OARD1: variants seen among roughly 807,000 people sequenced by gnomAD.
OARD1 encodes the protein ADP-ribose glycohydrolase OARD1.
Under a neutral mutation model 19.7 loss-of-function variants are expected in OARD1, and 19 were observed. That is an observed-to-expected ratio of 0.96 (90% confidence interval 0.67 to 1.41). OARD1 has a LOEUF of 1.41. OARD1 is among the 40% of genes most tolerant of loss of function. The pLI is 0.00. For synonymous variants in OARD1, 70 were observed against 61.8 expected (o/e 1.13, Z -0.62); for missense variants, 190 against 183.8 (o/e 1.03, Z -0.20).
intron 1 of OARD1, among the ~76,000 whole-genome samples, chr6:41,091,347 G>A (rs1259829556): frequency 2.0e-5 from 3 of 152,176 alleles, no homozygotes; most frequent in African/African-American, 7.2e-5. Flanking sequence ...CAAAGATTGT[G>A]ATTACTTAGA....
In OARD1 at chr6:41,071,646, G is replaced by A. The variant is rs1457307475; in HGVS notation, c.-12C>T. The A allele has an allele frequency of 3.1e-6, 5 of 1,610,760 alleles. No individual in the cohort carries two copies. In the African/African-American group the frequency reaches 4.0e-5, roughly 13 times the overall value. The stretch of plus-strand genomic sequence containing the variant: ...AGGCTGCTGGCCATGATACTGAGTC[G>A]CTATTTCCAGAATTTAAGTGTTTCT... On this transcript the variant is annotated 5_prime_UTR_variant, in exon 2 of 6. Coordinates refer to ENST00000424266, the MANE Select transcript of OARD1 (RefSeq NM_001329686.2).
chr6:41,088,797 G>A (rs924115059), intron 1 of OARD1, among the ~76,000 whole-genome samples: 2 of 152,108 alleles, frequency 1.3e-5, no homozygotes, highest in Middle Eastern at 3.4e-3. Context: ...TGTTGCCCAG[G>A]CTGGTCTCGA....
At chr6:41,086,734 AATAG>A (rs1341686358) in intron 1 of OARD1, among the ~76,000 whole-genome samples, 3 of 152,180 alleles carry the variant, frequency 2.0e-5, no homozygotes, top group Admixed American at 6.5e-5. Flanking sequence ...ACAGCCAAGA[AATAG>A]ATAGAAGAAT....
intron 1 of OARD1, among the ~76,000 whole-genome samples, chr6:41,082,714 T>C (rs1014479212): frequency 2.0e-5 from 3 of 152,268 alleles, no homozygotes; most frequent in Admixed American, 6.5e-5. Context: ...TCTTGCTATA[T>C]GTATTCTGAG....
At chr6:41,080,817 G>A in intron 1 of OARD1, 1 of 1,613,410 alleles carries the variant, frequency 6.2e-7, no homozygotes, top group Non-Finnish European at 8.5e-7. Flanking sequence ...TCAGCAGCAG[G>A]GTGGTGTCAC....
At chr6:41,068,348 G>C (rs1314334591) in intron 5 of OARD1, among the ~76,000 whole-genome samples, 1 of 152,164 alleles carries the variant, frequency 6.6e-6, no homozygotes, top group African/African-American at 2.4e-5. Context: ...AGTTACATCA[G>C]GGACAGATCC....
At chr6:41,074,196 T>C (rs1345571873), upstream of OARD1, among the ~76,000 whole-genome samples, 1 of 152,248 alleles carries the variant, frequency 6.6e-6, no homozygotes, top group Admixed American at 6.5e-5. Context: ...TTTATGTTTT[T>C]CTGATACACT....
At chr6:41,079,242 C>T (rs1763839821) in intron 1 of OARD1, 16 of 1,345,864 alleles carry the variant, frequency 1.2e-5, no homozygotes, top group Non-Finnish European at 1.7e-5. Flanking sequence ...GTCTATTGCC[C>T]TGGGGAATTA....
chr6:41,097,415 A>C, intron 1 of OARD1: 1 of 1,613,794 alleles, frequency 6.2e-7, no homozygotes, highest in Admixed American at 1.7e-5. Flanking sequence ...TCCTAACCCC[A>C]CGCCATGTGA....
In OARD1 at chr6:41,067,051, T is replaced by C. The variant is rs1763045544; in HGVS notation, c.*284A>G. The C allele has an allele frequency of 4.9e-6, 1 of 203,980 alleles. No individual in the cohort carries two copies. The highest frequency in any genetic ancestry group is 9.9e-5 in the East Asian group (1 of 10,124). 12.6% of individuals were successfully genotyped at this position (203,980 alleles called of 1,614,324 possible). A position where few individuals can be genotyped will look rare whatever the true frequency, so the allele number is the denominator to read the frequency against. On this transcript the variant is annotated 3_prime_UTR_variant, in exon 6 of 6. Coordinates refer to ENST00000424266, the MANE Select transcript of OARD1 (RefSeq NM_001329686.2). ...GGCCAGCCAAACAAATCAGGTAGCA[T>C]ACTGGAGAAAAAGGTCATAGTCCCG... is the stretch of plus-strand genomic sequence containing the variant.
In OARD1 at chr6:41,080,745, A is replaced by T. The variant is rs1369742328; in HGVS notation, c.-41-9070T>A. 2.3e-6 allele frequency: 3 copies of T among 1,327,630 alleles called. 1 individual carries two copies. The highest frequency in any genetic ancestry group is 3.8e-4 in the Middle Eastern group (2 of 5,332). 82.2% of individuals were successfully genotyped at this position (1,327,630 alleles called of 1,614,324 possible). A position where few individuals can be genotyped will look rare whatever the true frequency, so the allele number is the denominator to read the frequency against. ...TCTCTCTCCTCCAAGAGGTAAGGTG[A>T]TCTGTGTCTTGAACTACACATTTCC... On this transcript the variant is annotated intron_variant, in intron 1 of 4. Transcript: ENST00000480585.
chr6:41,071,876 CT>C, intron 1 of OARD1: 1 of 508,892 alleles, frequency 2.0e-6, no homozygotes, highest in Non-Finnish European at 3.5e-6. Flanking sequence ...TCTCGACCCG[CT>C]CTCATTTCGT....
At chr6:41,089,755 AGAGTCAGATAACT>A in intron 1 of OARD1, 1 of 1,594,818 alleles carries the variant, frequency 6.3e-7, no homozygotes, top group Non-Finnish European at 8.5e-7. Context: ...CTGATTTGGA[AGAGTCAGATAACT>A]GAGTCAGATA....
At chr6:41,093,341 A>T (rs1418837833) in intron 1 of OARD1, among the ~76,000 whole-genome samples, 2 of 152,174 alleles carry the variant, frequency 1.3e-5, no homozygotes, top group Non-Finnish European at 2.9e-5. Context: ...ATTATCCTGG[A>T]CTGGTAGCAC....
chr6:41,089,476 T>G, intron 1 of OARD1: 2 of 1,316,126 alleles, frequency 1.5e-6, no homozygotes, highest in Non-Finnish European at 2.0e-6. Context: ...TTTTTCCTCT[T>G]CAGAACATTT....
chr6:41,071,773 C>T (rs1763417758), intron 1 of OARD1, 98 bp from the exon 2 acceptor site: 1 of 683,512 alleles, frequency 1.5e-6, no homozygotes, highest in South Asian at 1.7e-5. Flanking sequence ...TTTTCCCCAA[C>T]GTTTATCGAT....
upstream of OARD1, among the ~76,000 whole-genome samples, chr6:41,073,842 T>C (rs1763635286): frequency 6.6e-6 from 1 of 152,088 alleles, no homozygotes; most frequent in Non-Finnish European, 1.5e-5. Context: ...TACCACCCCT[T>C]TTGGCTCGTC....
At chr6:41,081,489 CAA>C (rs879592136) in intron 1 of OARD1, among the ~76,000 whole-genome samples, 25 of 102,094 alleles carry the variant, frequency 2.4e-4, no homozygotes, top group African/African-American at 8.0e-4. Flanking sequence ...GACTCCGTCT[CAA>C]AAAAAAAAAA....
At chr6:41,095,578 G>A (rs938522442) in intron 1 of OARD1, among the ~76,000 whole-genome samples, 4 of 151,898 alleles carry the variant, frequency 2.6e-5, no homozygotes, top group East Asian at 1.9e-4. Context: ...CTATAGCCAC[G>A]CACCACCATG....
Sources: allele counts gnomAD v4.1 joint callset (sites outside exome capture counted in the v4.1 genomes callset), GRCh38; gene constraint gnomAD v4.1.1; transcripts MANE v1.5; gene names NCBI Gene and HGNC (gene_info 2026-07-23, HGNC 2026-07-21).